Variants in RBFOX1 observed in about 807,000 individuals in gnomAD.
RBFOX1 encodes RNA binding protein fox-1 homolog 1.
RBFOX1 carries 8 observed loss-of-function variants against 57.7 expected under a neutral mutation model. That is an observed-to-expected ratio of 0.14 (90% CI 0.08 to 0.25). RBFOX1 has a LOEUF of 0.25. Ranked by LOEUF, RBFOX1 falls within the 10% of genes least tolerant of loss-of-function variation. The probability of loss-of-function intolerance (pLI) is 1.00; values close to 1 mark genes in which losing one functional copy is unlikely to be tolerated. For missense variants in RBFOX1, 611 were observed against 548.5 expected (o/e 1.11, Z -1.14); for synonymous variants, 326 against 222.4 (o/e 1.47, Z -4.15).
chr16:6,743,109 A>C (rs73543685), intron 3 of RBFOX1, among the ~76,000 whole-genome samples: 13,505 of 152,240 alleles, frequency 0.089, 740 homozygotes, highest in East Asian at 0.16. Flanking sequence ...TAATATTTTC[A>C]AAATAAGTTA....
At chr16:6,935,203 C>G (rs753023224) in intron 3 of RBFOX1, among the ~76,000 whole-genome samples, 2 of 152,178 alleles carry the variant, frequency 1.3e-5, no homozygotes, top group African/African-American at 4.8e-5. Flanking sequence ...TAATACATAG[C>G]TCAGAGTGTA....
intron 4 of RBFOX1, among the ~76,000 whole-genome samples, chr16:7,189,425 CAAAAAAAA>C (rs1159617665): frequency 0.27 from 18,204 of 67,478 alleles, 1,630 homozygotes; most frequent in Middle Eastern, 0.42. Context: ...GACTCCCTCT[CAAAAAAAA>C]AAAAAAAAAA....
intron 4 of RBFOX1, among the ~76,000 whole-genome samples, chr16:7,391,293 G>A (rs981918108): frequency 3.9e-5 from 6 of 152,132 alleles, no homozygotes; most frequent in Non-Finnish European, 8.8e-5. Context: ...GAGTTTTTGG[G>A]CATGTGCCCT....
intron 4 of RBFOX1, among the ~76,000 whole-genome samples, chr16:7,455,009 A>G (rs1375144920): frequency 6.6e-6 from 1 of 152,176 alleles, no homozygotes; most frequent in Non-Finnish European, 1.5e-5. Flanking sequence ...TCATGGGTTC[A>G]TTTATTGATT....
At chr16:7,565,282 C>T (rs191446617) in intron 5 of RBFOX1, among the ~76,000 whole-genome samples, 2 of 152,234 alleles carry the variant, frequency 1.3e-5, no homozygotes, top group Admixed American at 1.3e-4. Flanking sequence ...CCCCCGCCCG[C>T]CACCATCCTT....
intron 3 of RBFOX1, among the ~76,000 whole-genome samples, chr16:5,731,814 A>C (rs1434486383): frequency 6.6e-6 from 1 of 152,204 alleles, no homozygotes; most frequent in African/African-American, 2.4e-5. Context: ...ACAATTTTCC[A>C]GTGGTTTCTA....
At position 6,313,059 on chromosome 16, in the gene RBFOX1, G is replaced by A. The variant is rs577449808; in HGVS notation, c.-126-3936G>A. ...CAACAGGAAGCAGCAATGCACTGGA[G>A]TTAATTAGGTGCTAAAAGCATCCCC... On this transcript the variant is annotated intron_variant, in intron 1 of 15. Coordinates refer to ENST00000550418, the MANE Select transcript of RBFOX1 (RefSeq NM_018723.4). Among the ~76,000 whole-genome samples, 3 of 152,304 alleles carry A rather than the reference G, an allele frequency of 2.0e-5. No individual in the cohort carries two copies. The South Asian group carries it at 6.2e-4, about 32-fold the overall frequency.
intron 4 of RBFOX1, among the ~76,000 whole-genome samples, chr16:7,102,531 T>C (rs1172806520): frequency 6.6e-6 from 1 of 152,208 alleles, no homozygotes; most frequent in Non-Finnish European, 1.5e-5. Flanking sequence ...TACTGCTTCA[T>C]TAAATTCCCT....
intron 2 of RBFOX1, among the ~76,000 whole-genome samples, chr16:6,550,672 G>T (rs995121536): frequency 1.3e-5 from 2 of 152,134 alleles, no homozygotes; most frequent in African/African-American, 4.8e-5. Context: ...GCTTTTTCCA[G>T]CATGAGCCAA....
At chr16:5,899,293 A>G (rs536035384) in intron 4 of RBFOX1, among the ~76,000 whole-genome samples, 38 of 152,218 alleles carry the variant, frequency 2.5e-4, no homozygotes, top group African/African-American at 8.9e-4. Flanking sequence ...GGATCATACA[A>G]ACAGACACAA....
intron 2 of RBFOX1, among the ~76,000 whole-genome samples, chr16:6,328,095 G>C (rs527340945): frequency 6.6e-6 from 1 of 152,236 alleles, no homozygotes; most frequent in Admixed American, 6.5e-5. Context: ...CACACATAAT[G>C]GAATACTACT....
At chr16:7,687,425 G>C (rs1039652634) in intron 14 of RBFOX1, among the ~76,000 whole-genome samples, 1 of 151,986 alleles carries the variant, frequency 6.6e-6, no homozygotes, top group Non-Finnish European at 1.5e-5. Flanking sequence ...CATAGCATCA[G>C]ACCCCTTAGA....
intron 7 of RBFOX1, among the ~76,000 whole-genome samples, chr16:7,590,020 C>T (rs2152914794): frequency 6.6e-6 from 1 of 151,714 alleles, no homozygotes; most frequent in Non-Finnish European, 1.5e-5. Context: ...CATTCTAGCC[C>T]TTTAGGAAGC....
At chr16:7,097,191 C>G (rs893281104) in intron 4 of RBFOX1, among the ~76,000 whole-genome samples, 2 of 152,052 alleles carry the variant, frequency 1.3e-5, no homozygotes, top group Non-Finnish European at 2.9e-5. Flanking sequence ...GTCTTCTCAG[C>G]TAGGACCTGA....
intron 3 of RBFOX1, among the ~76,000 whole-genome samples, chr16:7,044,940 A>T (rs942774753): frequency 6.6e-6 from 1 of 152,108 alleles, no homozygotes; most frequent in Admixed American, 6.6e-5. Context: ...TAACTTACTG[A>T]GTCTTCCAAG....
intron 1 of RBFOX1, among the ~76,000 whole-genome samples, chr16:5,300,858 G>T (rs951130788): frequency 6.6e-6 from 1 of 152,118 alleles, no homozygotes; most frequent in Non-Finnish European, 1.5e-5. Flanking sequence ...TATTCTTTTA[G>T]TATCTGTAGT....
intron 3 of RBFOX1, among the ~76,000 whole-genome samples, chr16:6,957,820 C>G (rs574249320): frequency 6.6e-6 from 1 of 152,162 alleles, no homozygotes; most frequent in Admixed American, 6.5e-5. Flanking sequence ...TCTTTTCACA[C>G]AGCCTCTTTG....
At chr16:7,248,283 G>T (rs1038405765) in intron 4 of RBFOX1, among the ~76,000 whole-genome samples, 1 of 152,194 alleles carries the variant, frequency 6.6e-6, no homozygotes, top group African/African-American at 2.4e-5. Context: ...AATTCTTGCT[G>T]CCTTTCCTAC....
chr16:6,680,624 C>A (rs2058509351), intron 3 of RBFOX1, among the ~76,000 whole-genome samples: 1 of 152,106 alleles, frequency 6.6e-6, no homozygotes, highest in African/African-American at 2.4e-5. Flanking sequence ...TCTAAAATAA[C>A]AATAAAGTTT....
Sources: gnomAD v4.1 joint callset for allele counts (sites outside exome capture counted in the v4.1 genomes callset) on GRCh38, gnomAD v4.1.1 for gene constraint, MANE v1.5 for transcripts, NCBI Gene and HGNC (gene_info 2026-07-23, HGNC 2026-07-21) for gene names.